KCNN2: variants seen among roughly 807,000 people sequenced by gnomAD.
KCNN2 encodes small conductance calcium-activated potassium channel protein 2.
In KCNN2, 24 loss-of-function variants were observed where a neutral mutation model predicts 55.5. That is an observed-to-expected ratio of 0.43 (90% confidence interval 0.31 to 0.61). The LOEUF is 0.61. KCNN2 is among the 20% of genes least tolerant of loss of function. The probability of loss-of-function intolerance (pLI) is 0.08; values close to 1 mark genes in which losing one functional copy is unlikely to be tolerated. For synonymous variants in KCNN2, 431 were observed against 336.1 expected, an observed-to-expected ratio of 1.28 and a Z score of -3.09; for missense variants, 754 against 853.6, an observed-to-expected ratio of 0.88 and a Z score of 1.45.
chr5:114,171,764 G>T (rs1315046453), intron 1 of KCNN2, among the ~76,000 whole-genome samples: 1 of 151,554 alleles, frequency 6.6e-6, no homozygotes, highest in Non-Finnish European at 1.5e-5. Flanking sequence ...TACCCTGAGG[G>T]CTACTCACTA....
intron 2 of KCNN2, among the ~76,000 whole-genome samples, chr5:114,227,857 G>A (rs186065622): frequency 6.6e-6 from 1 of 152,220 alleles, no homozygotes; most frequent in African/African-American, 2.4e-5. Flanking sequence ...TAAACATGAA[G>A]AGTATATATG....
chr5:114,477,003 A>T (rs1761996360), intron 5 of KCNN2, among the ~76,000 whole-genome samples: 3 of 152,232 alleles, frequency 2.0e-5, no homozygotes, highest in Admixed American at 2.0e-4. Context: ...CTTTTAAAAT[A>T]ATTCTAAAAT....
intron 2 of KCNN2, among the ~76,000 whole-genome samples, chr5:114,394,856 G>A (rs940122507): frequency 1.3e-5 from 2 of 152,092 alleles, no homozygotes; most frequent in Admixed American, 6.5e-5. Context: ...TTAAGTGCCA[G>A]TACCACCTGA....
chr5:114,188,787 T>C (rs1382745040), intron 1 of KCNN2, among the ~76,000 whole-genome samples: 1 of 152,122 alleles, frequency 6.6e-6, no homozygotes, highest in African/African-American at 2.4e-5. Flanking sequence ...AATTATTATA[T>C]GAAAAAATAT....
chr5:114,099,742 T>C (rs754200343), intron 1 of KCNN2, among the ~76,000 whole-genome samples: 2 of 152,154 alleles, frequency 1.3e-5, no homozygotes, highest in African/African-American at 2.4e-5. Context: ...TCTTCAGATA[T>C]AGTAGCCCTA....
In KCNN2 at chr5:114,440,528, A is replaced by G. The variant is rs555851856; in HGVS notation, c.1638-22521A>G. On this transcript the variant is annotated intron_variant, in intron 3 of 7. Transcript: ENST00000673685. ...AATAGCCCTCTGGATAAATGTAAAC[A>G]AACAGGGTCTACAAATAACAAAACA... Among the ~76,000 whole-genome samples the G allele has an allele frequency of 5.9e-5, 9 of 152,240 alleles. 1 individual carries two copies. In the South Asian group the frequency reaches 1.9e-3, roughly 32 times the overall value.
chr5:114,373,869 T>TTAGTTTA (rs1340806009), intron 2 of KCNN2, among the ~76,000 whole-genome samples: 4 of 151,006 alleles, frequency 2.6e-5, no homozygotes, highest in Non-Finnish European at 4.4e-5. Context: ...GCAGTCTTTA[T>TTAGTTTA]TAGTTTATTA....
At chr5:114,199,486 ATTAT>A (rs1404054836) in intron 1 of KCNN2, among the ~76,000 whole-genome samples, 2 of 151,896 alleles carry the variant, frequency 1.3e-5, no homozygotes, top group East Asian at 3.9e-4. Flanking sequence ...TGTTTCATAA[ATTAT>A]TTGTTTCCAT....
chr5:114,193,251 AT>A (rs1753485579), intron 1 of KCNN2, among the ~76,000 whole-genome samples: 1 of 151,918 alleles, frequency 6.6e-6, no homozygotes, highest in East Asian at 1.9e-4. Flanking sequence ...TGGCCTTTTG[AT>A]TTCCTGGATG....
chr5:114,144,656 CAATT>C (rs943776053), intron 1 of KCNN2, among the ~76,000 whole-genome samples: 3 of 151,928 alleles, frequency 2.0e-5, no homozygotes, highest in Admixed American at 6.6e-5. Flanking sequence ...ATACAAGTAA[CAATT>C]AACACAGGTA....
At chr5:114,331,465 C>A (rs963720486) in intron 2 of KCNN2, among the ~76,000 whole-genome samples, 1 of 152,094 alleles carries the variant, frequency 6.6e-6, no homozygotes, top group African/African-American at 2.4e-5. Context: ...AACAAAGCAT[C>A]GGGAAACAAA....
chr5:114,484,144 T>G (rs1762350670), intron 5 of KCNN2, among the ~76,000 whole-genome samples: 1 of 152,168 alleles, frequency 6.6e-6, no homozygotes, highest in Admixed American at 6.5e-5. Context: ...CATAGACATT[T>G]ATTTAGTACG....
intron 1 of KCNN2, among the ~76,000 whole-genome samples, chr5:114,077,072 T>C (rs1750698808): frequency 6.6e-6 from 1 of 152,222 alleles, no homozygotes; most frequent in Admixed American, 6.5e-5. Context: ...AATGTAATGG[T>C]AAAAAGGTGC....
At chr5:114,142,228 T>A (rs1752299762) in intron 1 of KCNN2, among the ~76,000 whole-genome samples, 1 of 152,206 alleles carries the variant, frequency 6.6e-6, no homozygotes, top group African/African-American at 2.4e-5. Flanking sequence ...CTGAATGGTA[T>A]TACCTAGGTT....
intron 3 of KCNN2, among the ~76,000 whole-genome samples, chr5:114,449,820 G>C (rs558542808): frequency 1.3e-5 from 2 of 151,746 alleles, no homozygotes; most frequent in Non-Finnish European, 2.9e-5. Flanking sequence ...ATGTACAGAT[G>C]CTGCCTCCTC....
rs183168641 is a variant in KCNN2 at position 114,219,697 on chromosome 5, C to T, written c.-270-1783C>T. On this transcript the variant is annotated intron_variant, in intron 1 of 10. Transcript: ENST00000512097. ...AAATCAGGGATATAAGTTCTCACTT[C>T]GGGCTGTGGTTGCAGGTTTTTTGGC... 4.3e-3 allele frequency among the ~76,000 whole-genome samples: 661 copies of T among 152,134 alleles called. 3 individuals carry two copies. The highest frequency in any genetic ancestry group is 7.0e-3 in the Non-Finnish European group (476 of 68,018).
At chr5:114,304,612 A>T (rs944125074) in intron 2 of KCNN2, among the ~76,000 whole-genome samples, 2 of 152,180 alleles carry the variant, frequency 1.3e-5, no homozygotes, top group African/African-American at 4.8e-5. Flanking sequence ...CTTACTCCAG[A>T]ATCCTAAGGG....
At chr5:114,373,744 G>C (rs1316180033) in intron 2 of KCNN2, among the ~76,000 whole-genome samples, 1 of 144,900 alleles carries the variant, frequency 6.9e-6, no homozygotes, top group Non-Finnish European at 1.5e-5. Flanking sequence ...GGAGTTTGTT[G>C]GGGTGGAAGG....
intron 2 of KCNN2, among the ~76,000 whole-genome samples, chr5:114,373,657 T>TATATATATATATATATATAA (rs1175218618): frequency 8.5e-6 from 1 of 117,638 alleles, no homozygotes; most frequent in Non-Finnish European, 1.8e-5. Context: ...TATATATATA[T>TATATATATATATATATATAA]AAAATTACTT....
Sources: gnomAD v4.1 joint callset for allele counts (sites outside exome capture counted in the v4.1 genomes callset) on GRCh38, gnomAD v4.1.1 for gene constraint, MANE v1.5 for transcripts, NCBI Gene and HGNC (gene_info 2026-07-23, HGNC 2026-07-21) for gene names.